Variants in PPP2R2B observed in about 807,000 individuals in gnomAD.
PPP2R2B encodes serine/threonine-protein phosphatase 2A 55 kDa regulatory subunit B beta isoform.
A neutral mutation model predicts 46.0 loss-of-function variants in PPP2R2B; 5 were observed. The ratio of observed to expected loss-of-function variants is 0.11; its 90% CI spans 0.06 to 0.23. The LOEUF (loss-of-function observed/expected upper bound fraction) is 0.23, where lower values mean the gene tolerates loss of function less well. Among genes scored for constraint, PPP2R2B ranks in the 10% least tolerant of loss-of-function variants. The probability of loss-of-function intolerance (pLI) is 1.00; values close to 1 mark genes in which losing one functional copy is unlikely to be tolerated. For missense variants in PPP2R2B, 367 were observed against 575.0 expected (o/e 0.64, Z 3.70); for synonymous variants, 215 against 206.7 (o/e 1.04, Z -0.34).
At chr5:146,715,358 T>C (rs1218582881) in intron 2 of PPP2R2B, among the ~76,000 whole-genome samples, 1 of 152,212 alleles carries the variant, frequency 6.6e-6, no homozygotes, top group East Asian at 1.9e-4. Context: ...TGACTTGGTC[T>C]CAAGACATTA....
At chr5:146,733,901 T>C (rs1204250804) in intron 2 of PPP2R2B, among the ~76,000 whole-genome samples, 1 of 152,114 alleles carries the variant, frequency 6.6e-6, no homozygotes, top group African/African-American at 2.4e-5. Context: ...GTGGTAGTAA[T>C]AGTAGACAAT....
intron 1 of PPP2R2B, among the ~76,000 whole-genome samples, chr5:146,997,072 A>AT (rs1167875193): frequency 6.6e-6 from 1 of 152,148 alleles, no homozygotes; most frequent in East Asian, 1.9e-4. Flanking sequence ...AAAGTTCTAG[A>AT]TTTTTTCCAG....
chr5:146,650,512 A>G (rs1775881625), intron 6 of PPP2R2B, 35 bp downstream of exon 6: 1 of 1,589,058 alleles, frequency 6.3e-7, no homozygotes, highest in African/African-American at 1.3e-5. Flanking sequence ...CTCTTAATTC[A>G]GGCCAGTTGA....
chr5:146,766,539 G>A (rs1199130984), intron 2 of PPP2R2B, among the ~76,000 whole-genome samples: 5 of 152,154 alleles, frequency 3.3e-5, no homozygotes, highest in African/African-American at 1.2e-4. Flanking sequence ...TAACACAGCA[G>A]CCATTATTAT....
intron 6 of PPP2R2B, among the ~76,000 whole-genome samples, chr5:146,647,399 G>A (rs887680995): frequency 1.3e-5 from 2 of 152,168 alleles, no homozygotes; most frequent in Non-Finnish European, 2.9e-5. Context: ...AAAGATGGCC[G>A]CTTCCTACCC....
In PPP2R2B at chr5:146,609,686, G is replaced by T. The variant is rs377074975; in HGVS notation, c.791-9226C>A. ...CGAGGCATTGCCTCACCTGGGAAGC[G>T]CAAGGGGTCAGGGAGTTCCCTTTCC... On this transcript the variant is annotated intron_variant, in intron 7 of 9. Transcript: ENST00000394411. 6.5e-4 allele frequency among the ~76,000 whole-genome samples: 97 copies of T among 148,746 alleles called. 2 individuals carry two copies. The East Asian group carries it at 0.018, about 28-fold the overall frequency.
chr5:146,830,436 AC>A (rs1276579916), intron 2 of PPP2R2B, among the ~76,000 whole-genome samples: 7 of 152,006 alleles, frequency 4.6e-5, no homozygotes, highest in Non-Finnish European at 7.4e-5. Flanking sequence ...CAGTACCCGA[AC>A]CTTAAATGTT....
intron 2 of PPP2R2B, among the ~76,000 whole-genome samples, chr5:146,756,560 G>A (rs1288319757): frequency 1.3e-5 from 2 of 152,150 alleles, no homozygotes; most frequent in African/African-American, 4.8e-5. Flanking sequence ...TAGCCTCTGG[G>A]ATGCCTGGGT....
chr5:146,752,430 T>C (rs1207365395), intron 2 of PPP2R2B, among the ~76,000 whole-genome samples: 1 of 152,236 alleles, frequency 6.6e-6, no homozygotes, highest in African/African-American at 2.4e-5. Flanking sequence ...GCTCATTTTA[T>C]TTCTCAGAAC....
chr5:146,681,512 G>A (rs1483704226), intron 5 of PPP2R2B, among the ~76,000 whole-genome samples: 3 of 152,088 alleles, frequency 2.0e-5, no homozygotes, highest in Non-Finnish European at 2.9e-5. Flanking sequence ...TTCCCATTAC[G>A]CTTATAATTC....
intron 5 of PPP2R2B, among the ~76,000 whole-genome samples, chr5:146,674,635 T>G (rs1777586986): frequency 6.6e-6 from 1 of 152,180 alleles, no homozygotes; most frequent in Non-Finnish European, 1.5e-5. Context: ...ATGCTTCCCT[T>G]TAAAATACAC....
intron 9 of PPP2R2B, among the ~76,000 whole-genome samples, chr5:146,590,704 T>C (rs76275304): frequency 1.3e-5 from 2 of 152,282 alleles, no homozygotes; most frequent in African/African-American, 2.4e-5. Flanking sequence ...TAAGGCTTCA[T>C]GGCATCAGTG....
chr5:146,736,206 C>T (rs1260540994), intron 2 of PPP2R2B, among the ~76,000 whole-genome samples: 3 of 152,176 alleles, frequency 2.0e-5, no homozygotes, highest in Admixed American at 2.0e-4. Context: ...CCCCTTTTGA[C>T]ACGATTTTAA....
chr5:146,903,391 C>CTTT (rs58777308), intron 1 of PPP2R2B, among the ~76,000 whole-genome samples: 47 of 120,820 alleles, frequency 3.9e-4, no homozygotes, highest in African/African-American at 1.2e-3. Flanking sequence ...CTTTCTTTCT[C>CTTT]TTTTTTTTTT....
rs182751171 is a variant in PPP2R2B, at chr5:146,580,967, A to G, written c.*8980T>C. ...GTACTTTGAAAAAATCAGCTTTTTGAGCTGAACTTTCTTGTTCCATGATGG... is the reference window on the plus strand; with the variant it reads ...GTACTTTGAAAAAATCAGCTTTTTGGGCTGAACTTTCTTGTTCCATGATGG... On this transcript the variant is annotated 3_prime_UTR_variant, in exon 10 of 10. Transcript: ENST00000394411. 7.2e-5 allele frequency among the ~76,000 whole-genome samples: 11 copies of G among 151,898 alleles called. No homozygotes were observed. Among genetic ancestry groups the G allele is most frequent in the Non-Finnish European group, 1.6e-4 (11 of 67,926 alleles).
intron 2 of PPP2R2B, among the ~76,000 whole-genome samples, chr5:146,834,442 A>G (rs898573847): frequency 6.6e-6 from 1 of 152,206 alleles, no homozygotes; most frequent in African/African-American, 2.4e-5. Flanking sequence ...AATTATATCA[A>G]ATGACTTTTG....
At chr5:146,700,129 G>A (rs1324218515) in intron 3 of PPP2R2B, among the ~76,000 whole-genome samples, 2 of 152,176 alleles carry the variant, frequency 1.3e-5, no homozygotes, top group Non-Finnish European at 2.9e-5. Context: ...TGTACTGCAA[G>A]TGGCTTTGAG....
intron 1 of PPP2R2B, among the ~76,000 whole-genome samples, chr5:146,892,234 A>T (rs1014948657): frequency 6.6e-6 from 1 of 152,242 alleles, no homozygotes; most frequent in Admixed American, 6.5e-5. Context: ...TCTGCATTCC[A>T]TCAGCTCTAG....
intron 1 of PPP2R2B, among the ~76,000 whole-genome samples, chr5:147,000,756 T>C (rs1361361418): frequency 6.6e-6 from 1 of 151,796 alleles, no homozygotes; most frequent in Non-Finnish European, 1.5e-5. Flanking sequence ...ATAACACCCA[T>C]AGAGTACATA....
Sources: allele counts gnomAD v4.1 joint callset (sites outside exome capture counted in the v4.1 genomes callset), GRCh38; gene constraint gnomAD v4.1.1; transcripts MANE v1.5; gene names NCBI Gene and HGNC (gene_info 2026-07-23, HGNC 2026-07-21).